EXOC4: variants seen among roughly 807,000 people sequenced by gnomAD.
The protein encoded by EXOC4 is SEC8-like 1.
In EXOC4, 71 loss-of-function variants were observed where a neutral mutation model predicts 107.2. That is an observed-to-expected ratio of 0.66 (90% CI 0.55 to 0.81). The LOEUF is 0.81. EXOC4 is among the 30% of genes least tolerant of loss of function. The pLI is 0.00. For synonymous variants in EXOC4, 456 were observed against 441.2 expected (o/e 1.03, Z -0.42); for missense variants, 1,108 against 1,189.6 (o/e 0.93, Z 1.01).
chr7:133,866,574 G>A (rs191168413), intron 11 of EXOC4, among the ~76,000 whole-genome samples: 3 of 152,230 alleles, frequency 2.0e-5, no homozygotes, highest in South Asian at 4.2e-4. Flanking sequence ...TGGTTAATTT[G>A]AGGCATTGCC....
At chr7:133,781,212 C>G (rs1425533353) in intron 10 of EXOC4, among the ~76,000 whole-genome samples, 6 of 152,210 alleles carry the variant, frequency 3.9e-5, no homozygotes, top group African/African-American at 1.2e-4. Context: ...GTGAAGAAGG[C>G]TTTTGGAAGC....
At chr7:133,816,893 A>G (rs1797382898) in intron 10 of EXOC4, among the ~76,000 whole-genome samples, 1 of 152,108 alleles carries the variant, frequency 6.6e-6, no homozygotes, top group Non-Finnish European at 1.5e-5. Context: ...TCTGGTTCCT[A>G]ACAGGCCACA....
intron 10 of EXOC4, among the ~76,000 whole-genome samples, chr7:133,721,721 C>T (rs1333711990): frequency 6.6e-6 from 1 of 152,114 alleles, no homozygotes; most frequent in Non-Finnish European, 1.5e-5. Context: ...CTCCATGGAT[C>T]GCTTGTGTCC....
At chr7:133,564,503 C>T (rs1800869773) in intron 9 of EXOC4, among the ~76,000 whole-genome samples, 2 of 152,168 alleles carry the variant, frequency 1.3e-5, no homozygotes, top group African/African-American at 4.8e-5. Flanking sequence ...AATTCAAGCT[C>T]CTATTTTTTT....
intron 10 of EXOC4, among the ~76,000 whole-genome samples, chr7:133,769,095 A>T (rs945286736): frequency 5.9e-5 from 9 of 151,950 alleles, no homozygotes; most frequent in African/African-American, 2.2e-4. Context: ...TTGAGTGTTT[A>T]TCACAAAACA....
At chr7:133,865,524 A>C (rs1798618115) in intron 11 of EXOC4, among the ~76,000 whole-genome samples, 1 of 152,160 alleles carries the variant, frequency 6.6e-6, no homozygotes, top group Non-Finnish European at 1.5e-5. Flanking sequence ...TATCTCTACT[A>C]ATGATCAGTT....
intron 3 of EXOC4, among the ~76,000 whole-genome samples, chr7:133,300,056 T>C (rs1794609305): frequency 1.3e-5 from 2 of 152,112 alleles, no homozygotes; most frequent in Admixed American, 6.5e-5. Flanking sequence ...TTTTTAATGG[T>C]GAGAGTACAC....
chr7:133,832,696 A>G (rs1797835357), intron 11 of EXOC4, among the ~76,000 whole-genome samples: 1 of 152,250 alleles, frequency 6.6e-6, no homozygotes, highest in African/African-American at 2.4e-5. Context: ...TCTAAAATAC[A>G]TTCACATATT....
chr7:134,064,443 C>T lies in EXOC4; in HGVS notation c.2840C>T (p.Thr947Met), dbSNP rs111239622. 43 of 1,608,882 alleles carry T rather than the reference C, an allele frequency of 2.7e-5. No homozygotes were observed. Among genetic ancestry groups the T allele is most frequent in the South Asian group, 8.9e-5 (8 of 89,992 alleles). Residue 947 changes from threonine to methionine, a missense_variant, in exon 18 of 18, where the codon ACG (threonine) becomes ATG (methionine). Thr to Met is a moderately conservative substitution (Grantham distance 81). Transcript: ENST00000253861. ...TGVGELTTQN[T>M]RLQRLKEIIC... ...GTGGGGGAACTGACCACCCAGAACA[C>T]GAGGCTGCAGAGGCTCAAAGAGATC... is the stretch of plus-strand genomic sequence containing the variant.
intron 10 of EXOC4, among the ~76,000 whole-genome samples, chr7:133,791,635 A>T (rs984310562): frequency 2.0e-5 from 3 of 152,232 alleles, no homozygotes; most frequent in Admixed American, 6.5e-5. Flanking sequence ...CAAATTAGTA[A>T]TATAAGTTCT....
intron 10 of EXOC4, among the ~76,000 whole-genome samples, chr7:133,715,079 G>T (rs1487442596): frequency 5.9e-5 from 9 of 152,062 alleles, no homozygotes; most frequent in African/African-American, 2.2e-4. Flanking sequence ...GTTTTTTCCT[G>T]GGTTGTATAA....
intron 9 of EXOC4, among the ~76,000 whole-genome samples, chr7:133,507,801 A>C (rs995372601): frequency 3.3e-5 from 5 of 152,234 alleles, no homozygotes; most frequent in Non-Finnish European, 5.9e-5. Flanking sequence ...AAAAATCAGT[A>C]CTGTAATCCC....
intron 10 of EXOC4, among the ~76,000 whole-genome samples, chr7:133,694,865 CT>C (rs1448011346): frequency 1.3e-5 from 2 of 152,116 alleles, no homozygotes; most frequent in Non-Finnish European, 2.9e-5. Context: ...TTCCCACTAC[CT>C]TTTCTTTGTG....
At chr7:133,754,917 C>T (rs951389384) in intron 10 of EXOC4, among the ~76,000 whole-genome samples, 3 of 151,924 alleles carry the variant, frequency 2.0e-5, no homozygotes, top group Admixed American at 2.0e-4. Context: ...TCCCACAGAT[C>T]TGTAAACATA....
At chr7:134,038,204 G>GACATTC (rs1181191955) in intron 17 of EXOC4, among the ~76,000 whole-genome samples, 1 of 152,216 alleles carries the variant, frequency 6.6e-6, no homozygotes, top group South Asian at 2.1e-4. Context: ...ATTCAACTGA[G>GACATTC]AGGCATCTGC....
chr7:133,347,314 G>C (rs544241004), intron 5 of EXOC4, among the ~76,000 whole-genome samples: 1 of 150,484 alleles, frequency 6.6e-6, no homozygotes, highest in Non-Finnish European at 1.5e-5. Context: ...TGCGATCTTG[G>C]CTCACTGCAA....
At chr7:134,079,312 C>CTA in the EXOC4 span, among the ~76,000 whole-genome samples, 8 of 152,188 alleles carry the variant, frequency 5.3e-5, no homozygotes, top group Non-Finnish European at 1.0e-4. Context: ...GACCCACCTT[C>CTA]TAGTTTGATC....
At chr7:133,556,170 G>T (rs1429493609) in intron 9 of EXOC4, among the ~76,000 whole-genome samples, 3 of 152,152 alleles carry the variant, frequency 2.0e-5, no homozygotes, top group South Asian at 2.1e-4. Flanking sequence ...GTTTTGTGCT[G>T]CATGATAAAA....
At chr7:133,808,289 A>G (rs543807396) in intron 10 of EXOC4, among the ~76,000 whole-genome samples, 2 of 152,350 alleles carry the variant, frequency 1.3e-5, no homozygotes, top group African/African-American at 4.8e-5. Flanking sequence ...CCATGAATTA[A>G]GAGGCAAACG....
Sources: gnomAD v4.1 joint callset for allele counts (sites outside exome capture counted in the v4.1 genomes callset) on GRCh38, gnomAD v4.1.1 for gene constraint, MANE v1.5 for transcripts, NCBI Gene and HGNC (gene_info 2026-07-23, HGNC 2026-07-21) for gene names.